Variants in CLSTN2 observed in about 807,000 individuals in gnomAD.
The protein encoded by CLSTN2 is calsyntenin-2.
A neutral mutation model predicts 101.2 loss-of-function variants in CLSTN2; 48 were observed. The observed-to-expected ratio is 0.47, with a 90% CI of 0.38 to 0.60. The LOEUF is 0.60. Ranked by LOEUF, CLSTN2 falls within the 20% of genes least tolerant of loss-of-function variation. The probability of loss-of-function intolerance (pLI) is 0.00; values close to 1 mark genes in which losing one functional copy is unlikely to be tolerated. For missense variants in CLSTN2, 1,160 were observed against 1,238.2 expected (o/e 0.94, Z 0.95); for synonymous variants, 481 against 463.6 (o/e 1.04, Z -0.48).
chr3:140,245,291 A>T (rs2086506353), intron 2 of CLSTN2, among the ~76,000 whole-genome samples: 1 of 152,178 alleles, frequency 6.6e-6, no homozygotes, highest in South Asian at 2.1e-4. Context: ...AATAAATTTT[A>T]TTTAATTCTA....
Position 140,152,038 on chromosome 3 carries a change from G to T in CLSTN2, c.110-23913G>T, listed in dbSNP as rs146890723. Among the ~76,000 whole-genome samples, 233 of 152,278 alleles carry T rather than the reference G, an allele frequency of 1.5e-3. 1 individual carries two copies. Among genetic ancestry groups the T allele is most frequent in the African/African-American group, 5.4e-3 (225 of 41,562 alleles). On this transcript the variant is annotated intron_variant, in intron 1 of 16. Transcript: ENST00000458420. ...CTGGCCCAGCCCCTGGCTCCTGAAA[G>T]CCTGTAAAGATGAATTCATCCTTGA...
intron 2 of CLSTN2, among the ~76,000 whole-genome samples, chr3:140,217,412 G>A (rs933248335): frequency 6.6e-6 from 1 of 152,184 alleles, no homozygotes; most frequent in Non-Finnish European, 1.5e-5. Flanking sequence ...AGCTTTTCTT[G>A]TAGAATTTAT....
At chr3:140,059,621 T>TATATAATTACAA (rs2008161610) in intron 1 of CLSTN2, among the ~76,000 whole-genome samples, 1 of 152,018 alleles carries the variant, frequency 6.6e-6, no homozygotes, top group Non-Finnish European at 1.5e-5. Flanking sequence ...GATGGCAGGG[T>TATATAATTACAA]GGATATAATT....
At chr3:140,240,799 G>A (rs945548073) in intron 2 of CLSTN2, among the ~76,000 whole-genome samples, 2 of 152,256 alleles carry the variant, frequency 1.3e-5, no homozygotes, top group African/African-American at 4.8e-5. Flanking sequence ...TTGGGTAAAA[G>A]GTGTTCTGCA....
Position 140,570,474 on chromosome 3 carries a change from T to C in CLSTN2, c.*4221T>C, listed in dbSNP as rs1266835169. On this transcript the variant is annotated 3_prime_UTR_variant, in exon 17 of 17. Transcript: ENST00000458420. ...ATACTATGCATTTTATATAAAGGAA[T>C]TGAACATCTGTGGATTTTGGTGTCC... The C allele has an allele frequency of 1.3e-5, 2 of 152,184 alleles. No individual in the cohort carries two copies. Among genetic ancestry groups the C allele is most frequent in the Non-Finnish European group, 2.9e-5 (2 of 68,016 alleles). The allele number at this position is 152,184 out of a possible 1,614,324, so 9.4% of individuals were successfully genotyped here. A position where few individuals can be genotyped will look rare whatever the true frequency, so the allele number is the denominator to read the frequency against.
At chr3:139,972,700 G>C (rs956147155) in intron 1 of CLSTN2, among the ~76,000 whole-genome samples, 1 of 152,134 alleles carries the variant, frequency 6.6e-6, no homozygotes, top group Non-Finnish European at 1.5e-5. Context: ...ATGCTGTGAC[G>C]GCTCCCACAG....
intron 1 of CLSTN2, among the ~76,000 whole-genome samples, chr3:140,052,505 T>C (rs1334939190): frequency 3.9e-5 from 6 of 152,292 alleles, no homozygotes; most frequent in Admixed American, 2.6e-4. Context: ...CTCCCCACCC[T>C]GATTCTAGGT....
intron 1 of CLSTN2, among the ~76,000 whole-genome samples, chr3:140,032,326 C>A (rs1576403366): frequency 1.4e-5 from 2 of 146,122 alleles, no homozygotes; most frequent in Admixed American, 6.9e-5. Flanking sequence ...CAAGGGCTAA[C>A]AAGTACTTTT....
chr3:139,947,710 T>C (rs974350602), intron 1 of CLSTN2, among the ~76,000 whole-genome samples: 21 of 152,212 alleles, frequency 1.4e-4, no homozygotes, highest in African/African-American at 5.1e-4. Flanking sequence ...TATTTTGACT[T>C]TATTGTGCTA....
At chr3:140,433,021 T>C (rs1448103941) in intron 5 of CLSTN2, among the ~76,000 whole-genome samples, 2 of 152,330 alleles carry the variant, frequency 1.3e-5, no homozygotes, top group East Asian at 3.9e-4. Context: ...GCTAGTAATA[T>C]TGAGGCCAGC....
intron 1 of CLSTN2, among the ~76,000 whole-genome samples, chr3:139,965,209 G>C (rs544383902): frequency 6.6e-6 from 1 of 152,246 alleles, no homozygotes; most frequent in Non-Finnish European, 1.5e-5. Context: ...ACTGATTTTG[G>C]GCAGTGGTTC....
chr3:140,173,651 C>T (rs2010274126), intron 1 of CLSTN2, among the ~76,000 whole-genome samples: 2 of 152,234 alleles, frequency 1.3e-5, no homozygotes, highest in South Asian at 4.1e-4. Context: ...CATTTCCATA[C>T]ATGTTCTGAA....
At chr3:140,382,542 C>T (rs1274362006) in intron 2 of CLSTN2, among the ~76,000 whole-genome samples, 1 of 152,168 alleles carries the variant, frequency 6.6e-6, no homozygotes, top group Non-Finnish European at 1.5e-5. Flanking sequence ...CAGCCAGTGC[C>T]ATCTTTGTTT....
chr3:140,041,559 T>A (rs928601238), intron 1 of CLSTN2, among the ~76,000 whole-genome samples: 1 of 152,188 alleles, frequency 6.6e-6, no homozygotes, highest in African/African-American at 2.4e-5. Flanking sequence ...TGCCCCCACC[T>A]GTCATTTTGG....
chr3:139,952,548 G>C (rs139742799), intron 1 of CLSTN2, among the ~76,000 whole-genome samples: 1 of 152,138 alleles, frequency 6.6e-6, no homozygotes, highest in Non-Finnish European at 1.5e-5. Flanking sequence ...TTGCTGAAAT[G>C]GTTGAGCTTA....
chr3:139,964,182 T>A (rs940733531), intron 1 of CLSTN2, among the ~76,000 whole-genome samples: 4 of 152,214 alleles, frequency 2.6e-5, no homozygotes, highest in Non-Finnish European at 4.4e-5. Flanking sequence ...CTGCACCACA[T>A]TTCAGATCAC....
intron 1 of CLSTN2, among the ~76,000 whole-genome samples, chr3:139,983,418 A>G (rs1935967504): frequency 6.6e-6 from 1 of 152,158 alleles, no homozygotes; most frequent in Non-Finnish European, 1.5e-5. Flanking sequence ...AAAGAGAGAA[A>G]AGAGCTTTTT....
At chr3:140,438,550 A>C (rs1479042087) in intron 5 of CLSTN2, among the ~76,000 whole-genome samples, 3 of 151,760 alleles carry the variant, frequency 2.0e-5, no homozygotes, top group Non-Finnish European at 4.4e-5. Flanking sequence ...AAGATTGAAA[A>C]ATATGTGCAT....
intron 1 of CLSTN2, among the ~76,000 whole-genome samples, chr3:139,978,841 T>G (rs1002901374): frequency 2.6e-5 from 4 of 151,822 alleles, no homozygotes; most frequent in African/African-American, 4.8e-5. Context: ...AATGAAAGAG[T>G]TGGCTAAAAT....
Sources: allele counts gnomAD v4.1 joint callset (sites outside exome capture counted in the v4.1 genomes callset), GRCh38; gene constraint gnomAD v4.1.1; transcripts MANE v1.5; gene names NCBI Gene and HGNC (gene_info 2026-07-23, HGNC 2026-07-21).